The following DOCK3 variants were observed in gnomAD, a reference collection of about 807,000 sequenced individuals.
The protein encoded by DOCK3 is dedicator of cytokinesis protein 3.
In DOCK3, 60 loss-of-function variants were observed where a neutral mutation model predicts 265.6. The ratio of observed to expected loss-of-function variants is 0.23; its 90% CI spans 0.18 to 0.28. DOCK3 has a LOEUF of 0.28. Ranked by LOEUF, DOCK3 falls within the 10% of genes least tolerant of loss-of-function variation. DOCK3 has a pLI of 1.00. For synonymous variants in DOCK3, 881 were observed against 938.0 expected (o/e 0.94, Z 1.11); for missense variants, 1,981 against 2,594.3 (o/e 0.76, Z 5.14).
intron 5 of DOCK3, among the ~76,000 whole-genome samples, chr3:51,033,653 T>C (rs1244229247): frequency 6.6e-6 from 1 of 152,200 alleles, no homozygotes; most frequent in Non-Finnish European, 1.5e-5. Context: ...CAGTTATAAT[T>C]GTGTAAGTTG....
At chr3:50,890,002 C>A in intron 3 of DOCK3, 24 bp from the exon 4 acceptor site, 1 of 1,391,846 alleles carries the variant, frequency 7.2e-7, no homozygotes, top group Non-Finnish European at 9.3e-7. Flanking sequence ...TTTTTTCTAA[C>A]AGGAAATATT....
intron 1 of DOCK3, among the ~76,000 whole-genome samples, chr3:50,777,055 T>C (rs2108506315): frequency 6.6e-6 from 1 of 152,184 alleles, no homozygotes; most frequent in South Asian, 2.1e-4. Context: ...TCATGAGACT[T>C]TTTCAATACC....
At chr3:50,750,788 C>G (rs774256980) in intron 1 of DOCK3, among the ~76,000 whole-genome samples, 3 of 152,102 alleles carry the variant, frequency 2.0e-5, no homozygotes, top group Non-Finnish European at 4.4e-5. Context: ...CCATTTGCTC[C>G]CAGAGTGTGT....
At chr3:51,239,590 G>GTTTT (rs1199714094) in intron 21 of DOCK3, among the ~76,000 whole-genome samples, 1 of 123,884 alleles carries the variant, frequency 8.1e-6, no homozygotes, top group Non-Finnish European at 1.8e-5. Flanking sequence ...TGTTTTTTTT[G>GTTTT]TTTTTTTTTA....
At chr3:51,224,021 A>G (rs2090214389) in intron 14 of DOCK3, among the ~76,000 whole-genome samples, 2 of 152,364 alleles carry the variant, frequency 1.3e-5, no homozygotes, top group South Asian at 4.1e-4. Context: ...GCACTTCCCA[A>G]TCCAAGGGTT....
intron 2 of DOCK3, among the ~76,000 whole-genome samples, chr3:50,822,033 T>A (rs1229359511): frequency 1.3e-5 from 2 of 152,218 alleles, no homozygotes; most frequent in African/African-American, 4.8e-5. Flanking sequence ...ATTTTTTAAA[T>A]TCTATGAACA....
chr3:51,336,847 G>C (rs1560459780), intron 35 of DOCK3: 2 of 456,048 alleles, frequency 4.4e-6, no homozygotes, highest in East Asian at 6.9e-5. Context: ...AAATGTTTCA[G>C]ATGCTTTATA....
intron 3 of DOCK3, among the ~76,000 whole-genome samples, chr3:50,880,145 A>G (rs1046340482): frequency 3.9e-4 from 59 of 152,240 alleles, no homozygotes; most frequent in African/African-American, 1.4e-3. Context: ...TGTAGAGGGA[A>G]ATTTATAGCA....
At chr3:50,943,222 T>C (rs2108256159) in intron 5 of DOCK3, among the ~76,000 whole-genome samples, 1 of 152,196 alleles carries the variant, frequency 6.6e-6, no homozygotes, top group East Asian at 1.9e-4. Context: ...TGGGAATGGA[T>C]GAATAGGCAG....
At chr3:51,355,204 AAGCAGTGGCACGCCCTT>A (rs1340577700) in intron 41 of DOCK3, among the ~76,000 whole-genome samples, 181 bp downstream of exon 41, 1 of 152,192 alleles carries the variant, frequency 6.6e-6, no homozygotes, top group Non-Finnish European at 1.5e-5. Flanking sequence ...CTCAAAGAGG[AAGCAGTGGCACGCCCTT>A]AGCAGTGGGT....
At chr3:51,345,447 T>A (rs2085500405) in intron 38 of DOCK3, among the ~76,000 whole-genome samples, 1 of 152,048 alleles carries the variant, frequency 6.6e-6, no homozygotes, top group South Asian at 2.1e-4. Context: ...CCCATCTCTA[T>A]AAAATATTTT....
At chr3:50,781,216 A>T (rs181686665) in intron 2 of DOCK3, among the ~76,000 whole-genome samples, 200 of 145,670 alleles carry the variant, frequency 1.4e-3, no homozygotes, top group Admixed American at 2.7e-3. Context: ...AAATAAAAAT[A>T]AAAAAAAAAA....
chr3:50,765,979 G>C (rs1414326747), intron 1 of DOCK3, among the ~76,000 whole-genome samples: 1 of 151,630 alleles, frequency 6.6e-6, no homozygotes, highest in Non-Finnish European at 1.5e-5. Flanking sequence ...CTACATCTGT[G>C]GGATCAACTT....
chr3:51,197,626 A>G (rs1442699215), intron 12 of DOCK3, among the ~76,000 whole-genome samples: 1 of 152,146 alleles, frequency 6.6e-6, no homozygotes, highest in African/African-American at 2.4e-5. Context: ...CAGAGCAGAG[A>G]GTGAAGCTGG....
intron 21 of DOCK3, among the ~76,000 whole-genome samples, chr3:51,241,482 G>T (rs1245462320): frequency 6.6e-6 from 1 of 152,122 alleles, no homozygotes; most frequent in Non-Finnish European, 1.5e-5. Flanking sequence ...GCTAGGTTGG[G>T]GAAGTCTTCA....
At chr3:51,219,939 T>C (rs1161181952) in intron 14 of DOCK3, among the ~76,000 whole-genome samples, 1 of 152,218 alleles carries the variant, frequency 6.6e-6, no homozygotes. Flanking sequence ...TGTCACACTA[T>C]GCCCATACCT....
rs2082978739 is a variant in DOCK3, at chr3:51,310,131, G to T, written c.2923-101G>T. 5 of 864,764 alleles carry T rather than the reference G, an allele frequency of 5.8e-6. No homozygotes were observed. The Admixed American group carries it at 6.0e-5, about 10-fold the overall frequency. The allele number at this position is 864,764 out of a possible 1,614,324, so 53.6% of individuals were successfully genotyped here. A position where few individuals can be genotyped will look rare whatever the true frequency, so the allele number is the denominator to read the frequency against. Reference sequence around the variant, plus strand: ...AGAGAGAACCAGATCTAACTCACTGGTCCCACCCATTGTCATGATCTAGTG... The same window carrying T: ...AGAGAGAACCAGATCTAACTCACTGTTCCCACCCATTGTCATGATCTAGTG... On this transcript the variant is annotated intron_variant, in intron 27 of 52. Transcript: ENST00000266037.
At chr3:51,008,281 G>T (rs1454221483) in intron 5 of DOCK3, among the ~76,000 whole-genome samples, 1 of 152,120 alleles carries the variant, frequency 6.6e-6, no homozygotes, top group Non-Finnish European at 1.5e-5. Context: ...CCATTTGTTT[G>T]TGCCCTCTTT....
chr3:50,745,684 A>G (rs1033933555), intron 1 of DOCK3, among the ~76,000 whole-genome samples: 6 of 152,214 alleles, frequency 3.9e-5, no homozygotes, highest in Admixed American at 2.0e-4. Context: ...CTTCAGGAAT[A>G]TGAGCTACTA....
Sources: gnomAD v4.1 joint callset for allele counts (sites outside exome capture counted in the v4.1 genomes callset) on GRCh38, gnomAD v4.1.1 for gene constraint, MANE v1.5 for transcripts, NCBI Gene and HGNC (gene_info 2026-07-23, HGNC 2026-07-21) for gene names.